The following SORCS1 variants were observed in gnomAD, a reference collection of about 807,000 sequenced individuals.
SORCS1 encodes sortilin related VPS10 domain containing receptor 1, also known as VPS10 domain-containing receptor SorCS1.
SORCS1 carries 60 observed loss-of-function variants against 146.1 expected under a neutral mutation model. The ratio of observed to expected loss-of-function variants is 0.41; its 90% CI spans 0.33 to 0.51. The LOEUF (loss-of-function observed/expected upper bound fraction) is 0.51, where lower values mean the gene tolerates loss of function less well. Among genes scored for constraint, SORCS1 ranks in the 20% least tolerant of loss-of-function variants. The probability of loss-of-function intolerance (pLI) is 0.21; values close to 1 mark genes in which losing one functional copy is unlikely to be tolerated. For missense variants in SORCS1, 1,352 were observed against 1,487.6 expected, an observed-to-expected ratio of 0.91 and a Z score of 1.50; for synonymous variants, 637 against 584.0, an observed-to-expected ratio of 1.09 and a Z score of -1.31.
chr10:106,902,043 C>CA lies in SORCS1; in HGVS notation c.626+54469dup, dbSNP rs1313705147. On this transcript the variant is annotated intron_variant, in intron 2 of 25. Coordinates refer to ENST00000263054, the MANE Select transcript of SORCS1 (RefSeq NM_052918.5). Reference sequence around the variant, plus strand: ...TGGGTGACAGAGCGAGACTCTGTCTCAAAAAAAAAAAAATTAGATTTTACT... The same window carrying CA: ...TGGGTGACAGAGCGAGACTCTGTCTCAAAAAAAAAAAAAATTAGATTTTACT... Among the ~76,000 whole-genome samples the CA allele has an allele frequency of 5.1e-3, 630 of 122,472 alleles. 2 individuals are homozygous for CA. The highest frequency in any genetic ancestry group is 0.01 in the African/African-American group (340 of 33,370). The allele number at this position is 122,472 out of a possible 152,430, so 80.3% of individuals were successfully genotyped here.
intron 21 of SORCS1, among the ~76,000 whole-genome samples, chr10:106,613,644 C>T (rs1847159961): frequency 6.6e-6 from 1 of 152,168 alleles, no homozygotes; most frequent in Non-Finnish European, 1.5e-5. Context: ...CTTCAACACT[C>T]CTTACCCAGC....
chr10:106,606,789 G>C (rs1037589563), intron 23 of SORCS1, among the ~76,000 whole-genome samples: 2 of 152,124 alleles, frequency 1.3e-5, no homozygotes, highest in East Asian at 3.9e-4. Flanking sequence ...TTGTTCCCAC[G>C]ATAGTGAGTT....
At chr10:107,102,858 A>C (rs1242622168) in intron 1 of SORCS1, among the ~76,000 whole-genome samples, 2 of 152,216 alleles carry the variant, frequency 1.3e-5, no homozygotes, top group Non-Finnish European at 2.9e-5. Context: ...AATGTCCTAC[A>C]ATCCCTGTCC....
At chr10:106,854,368 C>T (rs754321854) in intron 2 of SORCS1, among the ~76,000 whole-genome samples, 1 of 151,962 alleles carries the variant, frequency 6.6e-6, no homozygotes, top group Non-Finnish European at 1.5e-5. Context: ...TTCTTGTAGA[C>T]AACATATAGT....
intron 2 of SORCS1, among the ~76,000 whole-genome samples, chr10:106,915,433 C>A (rs148241023): frequency 2.0e-4 from 31 of 152,120 alleles, no homozygotes; most frequent in Admixed American, 2.0e-3. Context: ...ACTTCCTCTT[C>A]GACCTTTCAA....
At chr10:106,859,475 G>C (rs1353745606) in intron 2 of SORCS1, among the ~76,000 whole-genome samples, 1 of 152,110 alleles carries the variant, frequency 6.6e-6, no homozygotes, top group Admixed American at 6.5e-5. Flanking sequence ...CTCACTGCAA[G>C]CTCCGCCTCC....
At chr10:106,876,425 G>C (rs1950591042) in intron 2 of SORCS1, among the ~76,000 whole-genome samples, 1 of 152,120 alleles carries the variant, frequency 6.6e-6, no homozygotes, top group African/African-American at 2.4e-5. Flanking sequence ...TCAGTATTTT[G>C]TTCCTCTGAT....
chr10:106,773,456 C>T (rs1316050266), intron 4 of SORCS1, among the ~76,000 whole-genome samples: 2 of 152,206 alleles, frequency 1.3e-5, no homozygotes, highest in Non-Finnish European at 2.9e-5. Flanking sequence ...TCACTCCCTT[C>T]CAGCGAATGC....
chr10:106,735,753 C>T (rs182945182), intron 5 of SORCS1, among the ~76,000 whole-genome samples: 185 of 152,276 alleles, frequency 1.2e-3, no homozygotes, highest in Non-Finnish European at 2.4e-3. Flanking sequence ...TTGTGTAATG[C>T]TCAGGTTTTG....
At chr10:107,007,242 T>C (rs1456349257) in intron 1 of SORCS1, among the ~76,000 whole-genome samples, 2 of 152,342 alleles carry the variant, frequency 1.3e-5, no homozygotes, top group South Asian at 4.1e-4. Context: ...GGTCTTTGTC[T>C]TGTCCCTTTT....
intron 23 of SORCS1, among the ~76,000 whole-genome samples, chr10:106,598,752 G>A (rs1017246381): frequency 6.6e-6 from 1 of 151,306 alleles, no homozygotes; most frequent in African/African-American, 2.4e-5. Context: ...CCAAAATAAC[G>A]CCTTTAATCC....
At chr10:106,805,242 A>G (rs1346774759) in intron 3 of SORCS1, among the ~76,000 whole-genome samples, 2 of 152,360 alleles carry the variant, frequency 1.3e-5, no homozygotes, top group Non-Finnish European at 2.9e-5. Flanking sequence ...AAAGGATATT[A>G]TCAAACAAGT....
At chr10:106,698,997 G>A (rs1364857347) in intron 9 of SORCS1, among the ~76,000 whole-genome samples, 1 of 152,138 alleles carries the variant, frequency 6.6e-6, no homozygotes, top group Non-Finnish European at 1.5e-5. Flanking sequence ...GTCCTATGGA[G>A]TTTGTCAAAA....
At chr10:106,972,586 G>GA (rs952419467) in intron 1 of SORCS1, among the ~76,000 whole-genome samples, 1 of 151,650 alleles carries the variant, frequency 6.6e-6, no homozygotes, top group African/African-American at 2.4e-5. Flanking sequence ...CAGCTAGGTG[G>GA]GGGGGCTGAG....
chr10:106,594,561 A>C (rs1281709608), intron 24 of SORCS1, among the ~76,000 whole-genome samples: 1 of 152,226 alleles, frequency 6.6e-6, no homozygotes, highest in Non-Finnish European at 1.5e-5. Context: ...AGGAAGAAAA[A>C]GAGTGAAATG....
chr10:106,577,578 TACTC>T, intron 25 of SORCS1, 23 bp from the exon 26 acceptor site: 3 of 1,610,112 alleles, frequency 1.9e-6, no homozygotes, highest in Non-Finnish European at 2.5e-6. Context: ...GTGTAACACT[TACTC>T]ATTTAATGAC....
rs186455657 is a variant in SORCS1, at chr10:106,885,065, G to A, written c.627-55392C>T. ...GATCCCTTGTTATACTGAAGACAGT[G>A]TGTGATTTTGGATAGTAGAAAATCT... On this transcript the variant is annotated intron_variant, in intron 2 of 25. Transcript: ENST00000263054. Among the ~76,000 whole-genome samples the A allele has an allele frequency of 6.6e-5, 10 of 152,300 alleles. No homozygotes were observed. In the East Asian group the frequency reaches 1.9e-3, roughly 29 times the overall value.
intron 16 of SORCS1, among the ~76,000 whole-genome samples, chr10:106,669,817 G>A (rs1851451852): frequency 6.6e-6 from 1 of 152,314 alleles, no homozygotes; most frequent in East Asian, 1.9e-4. Flanking sequence ...GGATACAGCT[G>A]TGGGTTACTG....
intron 1 of SORCS1, among the ~76,000 whole-genome samples, chr10:107,134,454 T>C (rs614734): frequency 0.53 from 80,518 of 151,830 alleles, 21,588 homozygotes; most frequent in African/African-American, 0.61. Context: ...CTGGCTAACA[T>C]GGTGAGACCC....
Sources: gnomAD v4.1 joint callset for allele counts (sites outside exome capture counted in the v4.1 genomes callset) on GRCh38, gnomAD v4.1.1 for gene constraint, MANE v1.5 for transcripts, NCBI Gene and HGNC (gene_info 2026-07-23, HGNC 2026-07-21) for gene names.